The following PSMG2 variants were observed in gnomAD, a reference collection of about 807,000 sequenced individuals.
The protein encoded by PSMG2 is CD40 ligand-activated specific transcript 3.
Under a neutral mutation model 31.5 loss-of-function variants are expected in PSMG2, and 21 were observed. That is an observed-to-expected ratio of 0.67 (90% CI 0.47 to 0.96). The LOEUF is 0.96. Ranked by LOEUF, PSMG2 falls within the 40% of genes least tolerant of loss-of-function variation. The pLI is 0.00. For missense variants in PSMG2, 318 were observed against 321.2 expected (o/e 0.99, Z 0.08); for synonymous variants, 120 against 110.4 (o/e 1.09, Z -0.54).
intron 1 of PSMG2, among the ~76,000 whole-genome samples, chr18:12,694,061 G>A (rs1412242145): frequency 6.6e-6 from 1 of 152,028 alleles, no homozygotes; most frequent in Non-Finnish European, 1.5e-5. Context: ...CTAAACTGCT[G>A]GACTCAAAAG....
chr18:12,699,918 G>GAA (rs376808836), upstream of PSMG2: 15 of 1,501,052 alleles, frequency 1.0e-5, no homozygotes, highest in Middle Eastern at 1.8e-4. Flanking sequence ...AGAAAGGCAG[G>GAA]AAAAAAAAAT....
At position 12,679,449 on chromosome 18, in the gene PSMG2, C is replaced by T. The variant is rs145020560; in HGVS notation, c.-37+20676C>T. On this transcript the variant is annotated intron_variant, in intron 1 of 6. Transcript: ENST00000585331. ...AGCAGGCACGAAGCACACTAGCAGG[C>T]ACTCTGGCTTTGTGGAGCGTCCGTT... Among the ~76,000 whole-genome samples, 132 of 152,280 alleles carry T rather than the reference C, an allele frequency of 8.7e-4. No individual in the cohort carries two copies. In the Middle Eastern group the frequency reaches 0.017, roughly 20 times the overall value.
intron 5 of PSMG2, among the ~76,000 whole-genome samples, chr18:12,721,845 T>G (rs2040433816): frequency 6.6e-6 from 1 of 152,212 alleles, no homozygotes; most frequent in Non-Finnish European, 1.5e-5. Context: ...TTTTTTCTTT[T>G]TTACTGAATG....
At chr18:12,701,843 G>A (rs898121081), upstream of PSMG2, among the ~76,000 whole-genome samples, 1 of 152,180 alleles carries the variant, frequency 6.6e-6, no homozygotes, top group Non-Finnish European at 1.5e-5. Context: ...AAGAAACCCT[G>A]ATATCTGCCG....
chr18:12,701,041 G>C (rs2040133351), upstream of PSMG2: 5 of 1,613,298 alleles, frequency 3.1e-6, no homozygotes, highest in South Asian at 5.5e-5. Flanking sequence ...GTTGATAAAT[G>C]CTGTTGATCA....
chr18:12,679,799 A>G (rs2039280218), intron 1 of PSMG2, among the ~76,000 whole-genome samples: 1 of 152,206 alleles, frequency 6.6e-6, no homozygotes. Context: ...GTGGTGGCTC[A>G]TGCCTATAAT....
In PSMG2 at chr18:12,720,672, CTA is replaced by C. The variant is rs1315359141; in HGVS notation, c.572_573del (p.Tyr191Ter). 1 of 1,607,554 alleles carries C rather than the reference CTA, an allele frequency of 6.2e-7. No homozygotes were observed. The highest frequency in any genetic ancestry group is 2.2e-5 in the East Asian group (1 of 44,852). On this transcript the variant is annotated frameshift_variant, in exon 5 of 7. Transcript: ENST00000317615. LOFTEE classifies it high-confidence loss of function. Reference protein sequence around the residue: ...IPGGGITKTLYDESCSKEIQM... With the variant: ...IPGGGITKTLXDESCSKEIQM... ...CGGGAGGAGGTATCACAAAAACACT[CTA>C]TGATGAAAGGTGAGTTTGTTTGCCT...
chr18:12,675,734 T>C (rs2039102140), intron 1 of PSMG2, among the ~76,000 whole-genome samples: 2 of 152,084 alleles, frequency 1.3e-5, no homozygotes, highest in Non-Finnish European at 2.9e-5. Context: ...AGTGGCGCGA[T>C]CTCGGCTCAC....
intron 1 of PSMG2, among the ~76,000 whole-genome samples, chr18:12,676,279 C>CTT (rs1157897766): frequency 0.012 from 1,327 of 106,374 alleles, 7 homozygotes; most frequent in Non-Finnish European, 0.016. Context: ...ACAGTAATTC[C>CTT]TTTTTTTTTT....
At chr18:12,673,643 G>GC (rs2039010525) in intron 1 of PSMG2, 1 of 563,264 alleles carries the variant, frequency 1.8e-6, no homozygotes, top group East Asian at 4.0e-5. Context: ...ACTTTGGGAG[G>GC]CCGAGACAGG....
chr18:12,686,402 G>A (rs1055451188), intron 1 of PSMG2: 4 of 1,613,998 alleles, frequency 2.5e-6, no homozygotes, highest in East Asian at 2.2e-5. Context: ...CGTCCAGCTC[G>A]AAGTGGTTTA....
At chr18:12,702,055 G>A (rs1394545372), upstream of PSMG2, among the ~76,000 whole-genome samples, 2 of 152,226 alleles carry the variant, frequency 1.3e-5, no homozygotes, top group Admixed American at 6.5e-5. Flanking sequence ...AAACCTGGGA[G>A]GCGGAGGTTG....
intron 1 of PSMG2, chr18:12,686,225 T>C (rs2039535443): frequency 1.3e-6 from 2 of 1,517,374 alleles, no homozygotes; most frequent in African/African-American, 2.8e-5. Flanking sequence ...GTAACTATGA[T>C]ATACTGCTAC....
At chr18:12,707,991 A>G (rs2040286545) in intron 2 of PSMG2, among the ~76,000 whole-genome samples, 1 of 152,212 alleles carries the variant, frequency 6.6e-6, no homozygotes, top group African/African-American at 2.4e-5. Flanking sequence ...GGTTAAAACC[A>G]GAATTCATGA....
intron 2 of PSMG2, among the ~76,000 whole-genome samples, chr18:12,712,100 C>T (rs920388900): frequency 3.3e-5 from 5 of 152,180 alleles, no homozygotes; most frequent in African/African-American, 1.2e-4. Flanking sequence ...AAGCCTTAAG[C>T]ATTTCTAGAG....
chr18:12,690,673 T>G (rs994624883), intron 1 of PSMG2, among the ~76,000 whole-genome samples: 2 of 152,114 alleles, frequency 1.3e-5, no homozygotes, highest in African/African-American at 4.8e-5. Context: ...GCCAGGATGG[T>G]CTCGATCTCC....
At chr18:12,703,362 G>A (rs2040220324) in intron 1 of PSMG2, among the ~76,000 whole-genome samples, 198 bp downstream of exon 1, 1 of 152,230 alleles carries the variant, frequency 6.6e-6, no homozygotes, top group African/African-American at 2.4e-5. Flanking sequence ...AAAACCAAAC[G>A]TAGTCAAGTC....
rs558922447 is a variant in PSMG2, at chr18:12,674,880, A to G, written c.-37+16107A>G. 3 of 533,832 alleles carry G rather than the reference A, an allele frequency of 5.6e-6. No homozygotes were observed. The East Asian group carries it at 9.4e-5, about 17-fold the overall frequency. The allele number at this position is 533,832 out of a possible 1,614,324, so 33.1% of individuals were successfully genotyped here. On this transcript the variant is annotated intron_variant, in intron 1 of 6. Transcript: ENST00000585331. The stretch of plus-strand genomic sequence containing the variant: ...TTTTAAAAGCTATCATAATATTTTA[A>G]TAATAATAATTATAGGGATACATAG...
At chr18:12,659,187 C>T (rs943631722) in intron 1 of PSMG2, among the ~76,000 whole-genome samples, 1 of 152,168 alleles carries the variant, frequency 6.6e-6, no homozygotes, top group Non-Finnish European at 1.5e-5. Context: ...ATATTAAGTT[C>T]CAGTAAACCT....
Sources: gnomAD v4.1 joint callset for allele counts (sites outside exome capture counted in the v4.1 genomes callset) on GRCh38, gnomAD v4.1.1 for gene constraint, MANE v1.5 for transcripts, NCBI Gene and HGNC (gene_info 2026-07-23, HGNC 2026-07-21) for gene names.